Variants in PDE8A observed in about 807,000 individuals in gnomAD.
PDE8A encodes phosphodiesterase 8A, also known as high affinity cAMP-specific and IBMX-insensitive 3',5'-cyclic phosphodiesterase 8A.
PDE8A carries 59 observed loss-of-function variants against 105.0 expected under a neutral mutation model. The ratio of observed to expected loss-of-function variants is 0.56; its 90% CI spans 0.46 to 0.70. The LOEUF (loss-of-function observed/expected upper bound fraction) is 0.70, where lower values mean the gene tolerates loss of function less well. Ranked by LOEUF, PDE8A falls within the 30% of genes least tolerant of loss-of-function variation. The pLI, the probability that PDE8A is intolerant of heterozygous loss-of-function variation, is 0.00. For synonymous variants in PDE8A, 355 were observed against 371.9 expected, an observed-to-expected ratio of 0.95 and a Z score of 0.52; for missense variants, 1,014 against 1,045.9, an observed-to-expected ratio of 0.97 and a Z score of 0.42.
intron 16 of PDE8A, 54 bp from the exon 17 acceptor site, chr15:85,117,587 C>G (rs1206143827): frequency 6.8e-7 from 1 of 1,474,966 alleles, no homozygotes; most frequent in African/African-American, 1.4e-5. Context: ...GCCTTAAACA[C>G]TTGGCCTGTT....
intron 6 of PDE8A, among the ~76,000 whole-genome samples, chr15:85,084,447 T>C (rs1410330840): frequency 1.3e-5 from 2 of 152,196 alleles, no homozygotes; most frequent in East Asian, 3.8e-4. Context: ...TGGTGTGGTA[T>C]ACAAAAGAGA....
At chr15:85,046,035 A>C (rs1327885398) in intron 1 of PDE8A, among the ~76,000 whole-genome samples, 1 of 149,352 alleles carries the variant, frequency 6.7e-6, no homozygotes, top group East Asian at 2.0e-4. Context: ...CCTAGGACTT[A>C]GGCTCTTCGT....
chr15:85,080,110 T>C (rs1241659216), intron 5 of PDE8A, among the ~76,000 whole-genome samples: 1 of 152,202 alleles, frequency 6.6e-6, no homozygotes, highest in East Asian at 1.9e-4. Flanking sequence ...GATATTGATA[T>C]TGATATTAAT....
At chr15:85,013,136 G>C (rs1318922950) in intron 1 of PDE8A, among the ~76,000 whole-genome samples, 1 of 152,182 alleles carries the variant, frequency 6.6e-6, no homozygotes, top group Non-Finnish European at 1.5e-5. Context: ...GGTGAGAACA[G>C]GGGAAGCAGA....
rs75245521 is a variant in PDE8A at position 85,106,180 on chromosome 15, C to T, written c.1037-2873C>T. ...TGCTTGCTCCTCTCCAGCCACACTG[C>T]TCCATCTGCACAAGCAGTTTCCTCC... On this transcript the variant is annotated intron_variant, in intron 11 of 21. Transcript: ENST00000394553. 6.4e-3 allele frequency among the ~76,000 whole-genome samples: 975 copies of T among 152,126 alleles called. 17 individuals carry two copies. Among genetic ancestry groups the T allele is most frequent in the African/African-American group, 0.022 (929 of 41,478 alleles).
chr15:84,981,249 C>G (rs1254261005), upstream of PDE8A, among the ~76,000 whole-genome samples: 1 of 152,210 alleles, frequency 6.6e-6, no homozygotes, highest in African/African-American at 2.4e-5. Flanking sequence ...GTCGTCGCCG[C>G]GCATGCTCAG....
At position 85,113,457 on chromosome 15, in the gene PDE8A, T is replaced by C; in HGVS notation, c.1185+10T>C. On this transcript the variant is annotated intron_variant, in intron 13 of 21. Transcript: ENST00000394553. The stretch of plus-strand genomic sequence containing the variant: ...GGCGCCCATCACCAAGGTGAAGCAG[T>C]TTGTGGTCTGTCTCCATTGAGCACA... 2 of 1,611,082 alleles carry C rather than the reference T, an allele frequency of 1.2e-6. No individual in the cohort carries two copies. Among genetic ancestry groups the C allele is most frequent in the Non-Finnish European group, 1.7e-6 (2 of 1,177,298 alleles).
chr15:85,022,540 ATTT>A (rs56869355), intron 1 of PDE8A, among the ~76,000 whole-genome samples: 62,089 of 142,962 alleles, frequency 0.43, 14,291 homozygotes, highest in East Asian at 0.56. Flanking sequence ...TATATGCAAA[ATTT>A]TTTTTTTTTT....
At chr15:85,024,018 C>A (rs200845723) in intron 1 of PDE8A, among the ~76,000 whole-genome samples, 1 of 150,810 alleles carries the variant, frequency 6.6e-6, no homozygotes. Context: ...CTCAGATTTC[C>A]AAAAAAAAGT....
chr15:85,072,473 T>C (rs1429993116), intron 3 of PDE8A, among the ~76,000 whole-genome samples: 1 of 152,170 alleles, frequency 6.6e-6, no homozygotes. Context: ...CATTCCCTAG[T>C]TTTTCTTACA....
At chr15:85,081,545 C>T (rs752710892) in intron 5 of PDE8A, among the ~76,000 whole-genome samples, 2 of 152,076 alleles carry the variant, frequency 1.3e-5, no homozygotes, top group Non-Finnish European at 2.9e-5. Context: ...GATTTGTAGT[C>T]CCAGCCCCTT....
intron 1 of PDE8A, among the ~76,000 whole-genome samples, chr15:85,009,465 ATACCCATTGT>A (rs2080205617): frequency 6.6e-6 from 1 of 152,214 alleles, no homozygotes; most frequent in Non-Finnish European, 1.5e-5. Context: ...TCCTAAGATC[ATACCCATTGT>A]AAAATTTAGG....
intron 15 of PDE8A, 188 bp from the exon 16 acceptor site, chr15:85,115,796 C>T (rs4842867): frequency 0.23 from 131,241 of 568,594 alleles, 17,650 homozygotes; most frequent in Middle Eastern, 0.34. Context: ...TGGCAGGTGC[C>T]TGTAATCCCA....
chr15:85,122,231 A>T (rs536735579), intron 18 of PDE8A, among the ~76,000 whole-genome samples: 1 of 152,170 alleles, frequency 6.6e-6, no homozygotes, highest in Non-Finnish European at 1.5e-5. Context: ...GTCTGATTAG[A>T]TTCTTAAGCT....
At chr15:85,062,683 C>G (rs1445714950) in intron 1 of PDE8A, 1 of 152,208 alleles carries the variant, frequency 6.6e-6, no homozygotes, top group Non-Finnish European at 1.5e-5. Context: ...GGAACACATG[C>G]ACAGCTGCCC....
intron 1 of PDE8A, among the ~76,000 whole-genome samples, chr15:84,998,471 G>A (rs967098564): frequency 1.3e-5 from 2 of 152,168 alleles, no homozygotes; most frequent in Non-Finnish European, 2.9e-5. Flanking sequence ...TCTAAACTTG[G>A]ATGTCATTAG....
chr15:85,036,488 C>T (rs1596462521), intron 1 of PDE8A, among the ~76,000 whole-genome samples: 1 of 152,156 alleles, frequency 6.6e-6, no homozygotes, highest in Non-Finnish European at 1.5e-5. Flanking sequence ...CAACCCTTCC[C>T]TCCCACCAAA....
chr15:85,111,539 T>A (rs1380417033), intron 12 of PDE8A, among the ~76,000 whole-genome samples: 1 of 152,238 alleles, frequency 6.6e-6, no homozygotes, highest in Non-Finnish European at 1.5e-5. Context: ...CTGGACTCTA[T>A]TCTGTTCCAC....
At chr15:84,996,087 T>G (rs951616800) in intron 1 of PDE8A, among the ~76,000 whole-genome samples, 5 of 152,238 alleles carry the variant, frequency 3.3e-5, no homozygotes, top group African/African-American at 1.2e-4. Flanking sequence ...AACTTTTTAA[T>G]AAGTTTGAAT....
Sources: gnomAD v4.1 joint callset for allele counts (sites outside exome capture counted in the v4.1 genomes callset) on GRCh38, gnomAD v4.1.1 for gene constraint, MANE v1.5 for transcripts, NCBI Gene and HGNC (gene_info 2026-07-23, HGNC 2026-07-21) for gene names.